PHF13: variants seen among roughly 807,000 people sequenced by gnomAD.
The protein encoded by PHF13 is PHD finger protein 13.
PHF13 carries 1 observed loss-of-function variant against 25.8 expected under a neutral mutation model. The observed-to-expected ratio is 0.04, with a 90% CI of 0.01 to 0.18. The LOEUF is 0.18. Ranked by LOEUF, PHF13 falls within the 10% of genes least tolerant of loss-of-function variation. The pLI, the probability that PHF13 is intolerant of heterozygous loss-of-function variation, is 1.00. For synonymous variants in PHF13, 195 were observed against 162.4 expected (o/e 1.20, Z -1.53); for missense variants, 306 against 403.2 (o/e 0.76, Z 2.06).
At chr1:6,619,386 C>T (rs536950227) in intron 2 of PHF13, among the ~76,000 whole-genome samples, 2 of 152,082 alleles carry the variant, frequency 1.3e-5, no homozygotes, top group Non-Finnish European at 2.9e-5. Flanking sequence ...ATCTCCCTCC[C>T]GTTACCAAGG....
At chr1:6,614,152 G>T (rs376413748) in intron 1 of PHF13, 47 bp downstream of exon 1, 3 of 1,535,038 alleles carry the variant, frequency 2.0e-6, no homozygotes, top group South Asian at 2.3e-5. Flanking sequence ...CCCCCTCCGC[G>T]ATCCTGCCGT....
chr1:6,615,651 G>A (rs1356870771), intron 1 of PHF13, among the ~76,000 whole-genome samples: 1 of 152,166 alleles, frequency 6.6e-6, no homozygotes, highest in East Asian at 1.9e-4. Context: ...GGAACCTCAG[G>A]GAACGTGCCG....
chr1:6,623,171 A>G lies in PHF13; in HGVS notation c.*1534A>G, dbSNP rs1270456133. On this transcript the variant is annotated 3_prime_UTR_variant, in exon 4 of 4. Coordinates refer to ENST00000377648, the MANE Select transcript of PHF13 (RefSeq NM_153812.3). ...GACTCTTCCCACCTTCTCCCACTGA[A>G]GCACCAAGGGGCTTGAACCGTAATT... 2 of 152,246 alleles carry G rather than the reference A, an allele frequency of 1.3e-5. No individual in the cohort carries two copies. The highest frequency in any genetic ancestry group is 2.9e-5 in the Non-Finnish European group (2 of 68,050). 9.4% of individuals were successfully genotyped at this position (152,246 alleles called of 1,614,324 possible).
Position 6,621,598 on chromosome 1 carries a change from C to G in PHF13, c.864C>G (p.Asn288Lys). 1 of 1,614,210 alleles carries G rather than the reference C, an allele frequency of 6.2e-7. No homozygotes were observed. The highest frequency in any genetic ancestry group is 8.5e-7 in the Non-Finnish European group (1 of 1,180,038). Reference protein sequence around the residue: ...RDSKFDIRRSNRSRTGSRKLF... With the variant: ...RDSKFDIRRSKRSRTGSRKLF... Reference sequence around the variant, plus strand: ...CCAAGTTTGACATCCGCCGTTCCAACCGCTCGCGGACGGGCTCCCGGAAGC... The same window carrying G: ...CCAAGTTTGACATCCGCCGTTCCAAGCGCTCGCGGACGGGCTCCCGGAAGC... The change falls in exon 4 of 4, where the codon AAC becomes AAG. Residue 288 changes from asparagine to lysine, a missense_variant. Physicochemically the swap from Asn to Lys is moderately conservative, Grantham distance 94. Transcript: ENST00000377648. This position sits in a 1 kb window ranked among gnomAD's most constrained non-coding sequence, Gnocchi z 4.8.
At chr1:6,616,243 GGT>G in intron 1 of PHF13, among the ~76,000 whole-genome samples, 1 of 151,974 alleles carries the variant, frequency 6.6e-6, no homozygotes, top group South Asian at 2.1e-4. Context: ...TGGTCAGGCT[GGT>G]CTCGAACTCC....
chr1:6,616,025 A>ATT (rs5772244), intron 1 of PHF13, among the ~76,000 whole-genome samples: 4,168 of 91,680 alleles, frequency 0.045, 238 homozygotes, highest in African/African-American at 0.081. Context: ...TGAGTGGTTG[A>ATT]TTTTTTTTTT....
rs1251385409 is a variant in PHF13, at chr1:6,622,344, C to T, written c.*707C>T. 1 of 154,522 alleles carries T rather than the reference C, an allele frequency of 6.5e-6. No homozygotes were observed. Among genetic ancestry groups the T allele is most frequent in the Non-Finnish European group, 1.4e-5 (1 of 69,262 alleles). The allele number at this position is 154,522 out of a possible 1,614,324, so 9.6% of individuals were successfully genotyped here. A position where few individuals can be genotyped will look rare whatever the true frequency, so the allele number is the denominator to read the frequency against. ...ATGGCCCGTGTTCATAACTCAGTTT[C>T]CTGTTTTGCACGATGTAAAAACCCT... On this transcript the variant is annotated 3_prime_UTR_variant, in exon 4 of 4. Coordinates refer to ENST00000377648, the MANE Select transcript of PHF13 (RefSeq NM_153812.3).
chr1:6,618,646 CT>C (rs1641296749), intron 2 of PHF13, among the ~76,000 whole-genome samples: 1 of 152,186 alleles, frequency 6.6e-6, no homozygotes, highest in East Asian at 1.9e-4. Context: ...TCTTTTCTTT[CT>C]TTTTTTCTTT....
chr1:6,614,210 C>G (rs1421699531), intron 1 of PHF13, 105 bp downstream of exon 1: 17 of 884,452 alleles, frequency 1.9e-5, no homozygotes, highest in Non-Finnish European at 2.1e-5. Context: ...CCCTCCCCTT[C>G]CCCCGCTTTC....
chr1:6,616,852 G>T lies in PHF13; in HGVS notation c.135G>T (p.Pro45=), dbSNP rs749390921. 23 of 1,613,300 alleles carry T rather than the reference G, an allele frequency of 1.4e-5. No individual in the cohort carries two copies. The highest frequency in any genetic ancestry group is 2.0e-5 in the Non-Finnish European group (23 of 1,179,386). Reference sequence around the variant, plus strand: ...CCTATGCTGGCTACATCCCTTATCCGAAGGAGGTAATCTTCTGAGTTTCTG... The same window carrying T: ...CCTATGCTGGCTACATCCCTTATCCTAAGGAGGTAATCTTCTGAGTTTCTG... ...VLAYAGYIPY[P]KEELPLRSSP... Residue 45 remains proline, a synonymous_variant, in exon 2 of 4, where the codon CCG becomes CCT. Coordinates refer to ENST00000377648, the MANE Select transcript of PHF13 (RefSeq NM_153812.3).
At position 6,613,851 on chromosome 1, in the gene PHF13, C is replaced by G. The variant is rs978885237; in HGVS notation, c.-216C>G. On this transcript the variant is annotated 5_prime_UTR_variant, in exon 1 of 4. Coordinates refer to ENST00000377648, the MANE Select transcript of PHF13 (RefSeq NM_153812.3). ...TCTCCCGCCTCTACCGCCGCGGGAG[C>G]TGCATCGTCCACTCCGGTCGGCGGT... The G allele has an allele frequency of 1.7e-5, 8 of 458,248 alleles. No homozygotes were observed. The highest frequency in any genetic ancestry group is 1.4e-4 in the Admixed American group (3 of 21,560). The allele number at this position is 458,248 out of a possible 1,614,324, so 28.4% of individuals were successfully genotyped here.
In PHF13 at chr1:6,621,359, C is replaced by G; in HGVS notation, c.677-52C>G. The G allele has an allele frequency of 6.3e-7, 1 of 1,578,074 alleles. No individual in the cohort carries two copies. Among genetic ancestry groups the G allele is most frequent in the Non-Finnish European group, 8.7e-7 (1 of 1,150,532 alleles). On this transcript the variant is annotated intron_variant, in intron 3 of 3. Coordinates refer to ENST00000377648, the MANE Select transcript of PHF13 (RefSeq NM_153812.3). The surrounding 1 kb of genome is among the most constrained non-coding windows in gnomAD (Gnocchi z 4.8). ...GGTTTCATGGAAGCCCAGCTGATGG[C>G]GAGGAATGATGGGAATTTCTCTTCC...
At position 6,621,201 on chromosome 1, in the gene PHF13, GAA is replaced by G. The variant is rs869279713; in HGVS notation, c.677-197_677-196del. Among the ~76,000 whole-genome samples, 5 of 144,314 alleles carry G rather than the reference GAA, an allele frequency of 3.5e-5. No individual in the cohort carries two copies. The highest frequency in any genetic ancestry group is 7.6e-5 in the African/African-American group (3 of 39,406). 94.7% of individuals were successfully genotyped at this position (144,314 alleles called of 152,430 possible). The stretch of plus-strand genomic sequence containing the variant: ...TGACAGAGTGAGACCCTGTCTTAGG[GAA>G]AAAAAAAAAAAAGTAAGCATCTCCT... On this transcript the variant is annotated intron_variant, in intron 3 of 3. Transcript: ENST00000377648. The surrounding 1 kb of genome is among the most constrained non-coding windows in gnomAD (Gnocchi z 4.8).
At chr1:6,615,346 C>CGCCAGTGCGGGGAGCGCG (rs1641244425) in intron 1 of PHF13, among the ~76,000 whole-genome samples, 1 of 152,212 alleles carries the variant, frequency 6.6e-6, no homozygotes, top group South Asian at 2.1e-4. Flanking sequence ...TGGGCAGGCT[C>CGCCAGTGCGGGGAGCGCG]GCCAGTGCGG....
rs995743292 is a variant in PHF13, at chr1:6,621,337, T to C, written c.677-74T>C. The C allele has an allele frequency of 1.8e-5, 27 of 1,502,018 alleles. No individual in the cohort carries two copies. Among genetic ancestry groups the C allele is most frequent in the Non-Finnish European group, 2.5e-5 (27 of 1,089,594 alleles). The allele number at this position is 1,502,018 out of a possible 1,614,324, so 93.0% of individuals were successfully genotyped here. A position where few individuals can be genotyped will look rare whatever the true frequency, so the allele number is the denominator to read the frequency against. On this transcript the variant is annotated intron_variant, in intron 3 of 3. Transcript: ENST00000377648. This position sits in a 1 kb window ranked among gnomAD's most constrained non-coding sequence, Gnocchi z 4.8. ...GTTCTCGTCAGTAGAGTTAATGGGT[T>C]TCATGGAAGCCCAGCTGATGGCGAG...
chr1:6,619,295 G>T (rs1010259158), intron 2 of PHF13, among the ~76,000 whole-genome samples: 1 of 151,936 alleles, frequency 6.6e-6, no homozygotes, highest in Non-Finnish European at 1.5e-5. Context: ...TGAGGGTTCA[G>T]CAGGGAGTTT....
chr1:6,620,312 T>C lies in PHF13; in HGVS notation c.651T>C (p.Asn217=). Residue 217 remains asparagine (N), a synonymous_variant, in exon 3 of 4, where the codon AAT becomes AAC. Coordinates refer to ENST00000377648, the MANE Select transcript of PHF13 (RefSeq NM_153812.3). ...TCCGAGATGAGGACAGCACTGGCAATGATGAGGACATCATGGTGGACTCAG... is the reference window on the plus strand; with the variant it reads ...TCCGAGATGAGGACAGCACTGGCAACGATGAGGACATCATGGTGGACTCAG... ...VVFRDEDSTG[N]DEDIMVDSDD... 3 of 1,613,298 alleles carry C rather than the reference T, an allele frequency of 1.9e-6. No homozygotes were observed. The highest frequency in any genetic ancestry group is 2.5e-6 in the Non-Finnish European group (3 of 1,179,768).
chr1:6,614,536 C>G (rs1177897457), intron 1 of PHF13: 1 of 161,614 alleles, frequency 6.2e-6, no homozygotes, highest in Non-Finnish European at 1.3e-5. Flanking sequence ...CCCCCTCGGA[C>G]CGGGGTCGGC....
At chr1:6,614,403 C>G (rs1003404466) in intron 1 of PHF13, 11 of 401,112 alleles carry the variant, frequency 2.7e-5, no homozygotes, top group African/African-American at 2.0e-4. Flanking sequence ...CTCGCGTCGA[C>G]CTGGGACCTG....
Sources: allele counts gnomAD v4.1 joint callset (sites outside exome capture counted in the v4.1 genomes callset), GRCh38; gene constraint gnomAD v4.1.1; non-coding constraint Gnocchi (gnomAD v3.1); transcripts MANE v1.5; gene names NCBI Gene and HGNC (gene_info 2026-07-23, HGNC 2026-07-21).